NDRG2: variants seen among roughly 807,000 people sequenced by gnomAD.
The protein encoded by NDRG2 is protein NDRG2.
Under a neutral mutation model 58.2 loss-of-function variants are expected in NDRG2, and 34 were observed. The observed-to-expected ratio is 0.58, with a 90% CI of 0.44 to 0.78. NDRG2 has a LOEUF of 0.78. NDRG2 is among the 30% of genes least tolerant of loss of function. NDRG2 has a pLI of 0.00. For missense variants in NDRG2, 434 were observed against 471.2 expected (o/e 0.92, Z 0.73); for synonymous variants, 187 against 175.9 (o/e 1.06, Z -0.50).
intron 15 of NDRG2, 87 bp downstream of exon 15, chr14:21,017,900 G>T (rs1877659533): frequency 6.2e-7 from 1 of 1,607,064 alleles, no homozygotes; most frequent in African/African-American, 1.3e-5. Context: ...GCAGATAGCG[G>T]TGAGTCCAGG....
At chr14:21,018,873 T>C in intron 11 of NDRG2, 59 bp from the exon 12 acceptor site, 1 of 1,595,212 alleles carries the variant, frequency 6.3e-7, no homozygotes, top group Non-Finnish European at 8.6e-7. Flanking sequence ...CACTGGCCTC[T>C]GCCTAGGAGT....
intron 1 of NDRG2, among the ~76,000 whole-genome samples, chr14:21,058,934 C>T (rs1885811261): frequency 1.5e-5 from 2 of 133,964 alleles, no homozygotes; most frequent in East Asian, 2.3e-4. Context: ...CCCTGAAACA[C>T]TTACTTCTGT....
intron 1 of NDRG2, among the ~76,000 whole-genome samples, chr14:21,049,983 G>A (rs1395690650): frequency 6.6e-6 from 1 of 152,036 alleles, no homozygotes; most frequent in East Asian, 1.9e-4. Flanking sequence ...CACCATGTTG[G>A]TCAGGCTGCT....
rs748907411 is a variant in NDRG2 at position 21,033,732 on chromosome 14, G to A, written c.25-10411C>T. 1.5e-5 allele frequency: 15 copies of A among 974,178 alleles called. No individual in the cohort carries two copies. The East Asian group carries it at 3.4e-4, about 22-fold the overall frequency. The allele number at this position is 974,178 out of a possible 1,614,324, so 60.3% of individuals were successfully genotyped here. Reference sequence around the variant, plus strand: ...GGGACCCTGCCTGCCTCGTAAGTCAGGAAGGAAGTCTTGTTACAGGGATCA... The same window carrying A: ...GGGACCCTGCCTGCCTCGTAAGTCAAGAAGGAAGTCTTGTTACAGGGATCA... On this transcript the variant is annotated intron_variant, in intron 1 of 14. Transcript: ENST00000403829.
At chr14:21,059,475 G>GT (rs1308459247) in intron 1 of NDRG2, among the ~76,000 whole-genome samples, 1 of 90,602 alleles carries the variant, frequency 1.1e-5, no homozygotes, top group Non-Finnish European at 3.0e-5. Context: ...AAGTTACTGG[G>GT]TTTTTTTGGG....
At chr14:21,067,980 C>CTTTTT (rs1171332473) in intron 1 of NDRG2, among the ~76,000 whole-genome samples, 2 of 22,284 alleles carry the variant, frequency 9.0e-5, no homozygotes, top group Non-Finnish European at 2.5e-4. Context: ...AGTGGCTCCC[C>CTTTTT]TTTTTTTTTT....
At chr14:21,040,236 A>G (rs555374837) in intron 1 of NDRG2, among the ~76,000 whole-genome samples, 1 of 152,350 alleles carries the variant, frequency 6.6e-6, no homozygotes, top group Admixed American at 6.5e-5. Flanking sequence ...CAGAAGAGCC[A>G]GAGGCCTGTG....
At chr14:21,061,480 A>G (rs1348348518) in intron 1 of NDRG2, among the ~76,000 whole-genome samples, 2 of 152,134 alleles carry the variant, frequency 1.3e-5, no homozygotes, top group African/African-American at 2.4e-5. Flanking sequence ...CTCTGAGGGT[A>G]ATGACACAGC....
At chr14:21,029,680 T>C (rs1566485301), upstream of NDRG2, among the ~76,000 whole-genome samples, 1 of 152,172 alleles carries the variant, frequency 6.6e-6, no homozygotes, top group Non-Finnish European at 1.5e-5. Context: ...TGGGGGGTGA[T>C]TAAGTTTTAT....
intron 1 of NDRG2, among the ~76,000 whole-genome samples, chr14:21,045,896 A>G (rs1165428509): frequency 7.2e-5 from 11 of 152,180 alleles, no homozygotes; most frequent in Non-Finnish European, 4.4e-5. Context: ...GAAATATTCT[A>G]TTCTTGGTCT....
At chr14:21,047,330 G>A (rs1885231094) in intron 1 of NDRG2, among the ~76,000 whole-genome samples, 1 of 152,000 alleles carries the variant, frequency 6.6e-6, no homozygotes, top group Non-Finnish European at 1.5e-5. Flanking sequence ...ACCAATATTT[G>A]GAAGTAACTA....
At chr14:21,025,812 T>TGGGGGGGGG, upstream of NDRG2, 1 of 313,448 alleles carries the variant, frequency 3.2e-6, no homozygotes, top group Non-Finnish European at 3.7e-6. The surrounding 1 kb of genome is among the most constrained non-coding windows in gnomAD (Gnocchi z 5.1). Context: ...AGGCGGGGGG[T>TGGGGGGGGG]GGGGAGAGGA....
chr14:21,030,416 G>A (rs79199571), upstream of NDRG2: 8,720 of 685,938 alleles, frequency 0.013, 76 homozygotes, highest in Middle Eastern at 0.026. Context: ...GGTGCAATGG[G>A]AGCTGGGAGG....
At chr14:21,030,841 A>G (rs374231689), upstream of NDRG2, 2 of 1,536,240 alleles carry the variant, frequency 1.3e-6, no homozygotes. Context: ...GAACATTTGC[A>G]GTGGGCCTAC....
intron 1 of NDRG2, chr14:21,033,696 T>A: frequency 1.3e-6 from 1 of 742,758 alleles, no homozygotes; most frequent in Non-Finnish European, 2.4e-6. Context: ...ACCCACCTGG[T>A]CTCTTGGGAG....
intron 1 of NDRG2, among the ~76,000 whole-genome samples, chr14:21,063,282 G>T (rs1160630373): frequency 1.3e-5 from 2 of 152,178 alleles, no homozygotes; most frequent in Admixed American, 6.5e-5. Context: ...AGGAAGTAAA[G>T]TTCTGTTAAT....
chr14:21,027,722 G>A (rs574573319), upstream of NDRG2, among the ~76,000 whole-genome samples: 188 of 152,178 alleles, frequency 1.2e-3, no homozygotes, highest in Admixed American at 2.6e-3. Flanking sequence ...CAGATTCTAG[G>A]GCCCTTTGCA....
chr14:21,033,082 G>A (rs1222741782), intron 1 of NDRG2: 2 of 431,724 alleles, frequency 4.6e-6, no homozygotes, highest in South Asian at 1.7e-5. Context: ...GGGAATGGGT[G>A]AGAGAAGATA....
In NDRG2 at chr14:21,017,935, C is replaced by G. The variant is rs1245099193; in HGVS notation, c.949+52G>C. 1.9e-6 allele frequency: 3 copies of G among 1,613,750 alleles called. No individual in the cohort carries two copies. In the Admixed American group the frequency reaches 5.0e-5, roughly 27 times the overall value. ...GCATTCACCTAAAACGGTTCCACCCCGTCAGTGCCTATCTCTCCTCTAGTG... is the reference window on the plus strand; with the variant it reads ...GCATTCACCTAAAACGGTTCCACCCGGTCAGTGCCTATCTCTCCTCTAGTG... On this transcript the variant is annotated intron_variant, in intron 15 of 15. Transcript: ENST00000556147.
Sources: gnomAD v4.1 joint callset for allele counts (sites outside exome capture counted in the v4.1 genomes callset) on GRCh38, gnomAD v4.1.1 for gene constraint, Gnocchi (gnomAD v3.1) non-coding constraint, MANE v1.5 for transcripts, NCBI Gene and HGNC (gene_info 2026-07-23, HGNC 2026-07-21) for gene names.